Variants in PLCG2 observed in about 807,000 individuals in gnomAD.
The protein encoded by PLCG2 is 1-phosphatidylinositol 4,5-bisphosphate phosphodiesterase gamma-2.
In PLCG2, 69 loss-of-function variants were observed where a neutral mutation model predicts 175.6. The observed-to-expected ratio is 0.39, with a 90% CI of 0.32 to 0.48. PLCG2 has a LOEUF of 0.48. Among genes scored for constraint, PLCG2 ranks in the 20% least tolerant of loss-of-function variants. The pLI is 0.91. For synonymous variants in PLCG2, 827 were observed against 624.0 expected (o/e 1.33, Z -4.85); for missense variants, 1,798 against 1,650.9 (o/e 1.09, Z -1.54).
upstream of PLCG2, among the ~76,000 whole-genome samples, chr16:81,778,043 C>CAAAACAAACAAACAAACAAA (rs1910507588): frequency 1.7e-5 from 1 of 59,860 alleles, no homozygotes; most frequent in South Asian, 9.1e-4. Context: ...AAAAAAAAAA[C>CAAAACAAACAAACAAACAAA]AAAAAAAAAA....
chr16:81,763,653 C>T (rs3935576), intron 2 of PLCG2, among the ~76,000 whole-genome samples: 77,013 of 152,120 alleles, frequency 0.51, 21,457 homozygotes, highest in Non-Finnish European at 0.63. Context: ...TTACTACATT[C>T]TATTGAGGCA....
chr16:81,803,965 G>A (rs1035636301), intron 2 of PLCG2, among the ~76,000 whole-genome samples: 2 of 152,226 alleles, frequency 1.3e-5, no homozygotes, highest in Non-Finnish European at 2.9e-5. Context: ...ACAGGTATGA[G>A]CCACCGTGCC....
rs532257347 is a variant in PLCG2, at chr16:81,748,126, C to T, written c.-144-7744C>T. Among the ~76,000 whole-genome samples the T allele has an allele frequency of 3.4e-4, 52 of 152,298 alleles. 1 individual carries two copies. Among genetic ancestry groups the T allele is most frequent in the Non-Finnish European group, 6.3e-4 (43 of 68,034 alleles). On this transcript the variant is annotated intron_variant, in intron 1 of 5. Coordinates refer to the PLCG2 transcript ENST00000565054. Reference sequence around the variant, plus strand: ...CTGACCTCAGATGATCCGCCCACCTCGACCTCCCAAAGTGCTGGGATTGCA... The same window carrying T: ...CTGACCTCAGATGATCCGCCCACCTTGACCTCCCAAAGTGCTGGGATTGCA...
chr16:81,914,967 T>C (rs769095512), intron 19 of PLCG2, among the ~76,000 whole-genome samples: 38 of 152,208 alleles, frequency 2.5e-4, no homozygotes, highest in Non-Finnish European at 5.0e-4. Flanking sequence ...TGCATGTCTG[T>C]CTGGGACCCT....
Position 81,958,388 on chromosome 16 carries a change from T to G in PLCG2, c.*390T>G, listed in dbSNP as rs1911659320. 3.9e-6 allele frequency: 1 copy of G among 256,676 alleles called. No homozygotes were observed. Among genetic ancestry groups the G allele is most frequent in the South Asian group, 1.4e-4 (1 of 7,302 alleles). 15.9% of individuals were successfully genotyped at this position (256,676 alleles called of 1,614,324 possible). A position where few individuals can be genotyped will look rare whatever the true frequency, so the allele number is the denominator to read the frequency against. On this transcript the variant is annotated 3_prime_UTR_variant, in exon 33 of 33. Coordinates refer to ENST00000564138, the MANE Select transcript of PLCG2 (RefSeq NM_002661.5). Reference sequence around the variant, plus strand: ...CCTCTAATGATCCAGGTAACTGATGTCCATGGAGGATGAGCTGGAAATGTA... The same window carrying G: ...CCTCTAATGATCCAGGTAACTGATGGCCATGGAGGATGAGCTGGAAATGTA...
chr16:81,878,988 C>G (rs1597369493), intron 7 of PLCG2, among the ~76,000 whole-genome samples: 2 of 152,100 alleles, frequency 1.3e-5, no homozygotes, highest in Admixed American at 6.6e-5. Context: ...AGTTGCAAGA[C>G]CTGGCAGAGG....
intron 1 of PLCG2, chr16:81,783,111 C>A (rs762926994): frequency 4.1e-6 from 2 of 486,036 alleles, no homozygotes; most frequent in East Asian, 5.8e-5. Context: ...AGCCTGGTCC[C>A]TTGTCCTGGT....
At chr16:81,859,277 C>A in intron 5 of PLCG2, 114 bp downstream of exon 5, 1 of 698,262 alleles carries the variant, frequency 1.4e-6, no homozygotes, top group Middle Eastern at 2.4e-4. Context: ...CTCACTGCGT[C>A]CATTGTGATC....
intron 2 of PLCG2, among the ~76,000 whole-genome samples, chr16:81,770,291 G>C (rs1336932151): frequency 6.6e-6 from 1 of 152,058 alleles, no homozygotes. Flanking sequence ...CTGACTACTA[G>C]CAGCCTTGTT....
intron 5 of PLCG2, 22 bp downstream of exon 5, chr16:81,859,185 T>C: frequency 6.5e-7 from 1 of 1,530,038 alleles, no homozygotes; most frequent in Non-Finnish European, 9.1e-7. Context: ...TCAGTTTTTT[T>C]CTGATCACTT....
At chr16:81,957,295 TCAAACAAACAAACAAA>T in intron 32 of PLCG2, among the ~76,000 whole-genome samples, 1 of 151,834 alleles carries the variant, frequency 6.6e-6, no homozygotes, top group Admixed American at 6.6e-5. Context: ...GGAGACTCTG[TCAAACAAACAAACAAA>T]CAAACAAACA....
At chr16:81,921,992 T>C (rs1310388430) in intron 21 of PLCG2, among the ~76,000 whole-genome samples, 1 of 152,176 alleles carries the variant, frequency 6.6e-6, no homozygotes, top group Non-Finnish European at 1.5e-5. Flanking sequence ...TAGCAAAAAC[T>C]TTTGTTAGTA....
chr16:81,843,991 T>A (rs1195196371), intron 2 of PLCG2, among the ~76,000 whole-genome samples: 1 of 151,852 alleles, frequency 6.6e-6, no homozygotes, highest in Non-Finnish European at 1.5e-5. Context: ...TTCTTTTTTT[T>A]TTTGAGAAGG....
chr16:81,786,525 A>C (rs1372556589), intron 2 of PLCG2, among the ~76,000 whole-genome samples: 2 of 152,122 alleles, frequency 1.3e-5, no homozygotes, highest in Admixed American at 6.5e-5. Flanking sequence ...CTTTCCTCTT[A>C]AGGGCGAATT....
chr16:81,867,790 C>T (rs959202896), intron 5 of PLCG2, among the ~76,000 whole-genome samples: 4 of 152,102 alleles, frequency 2.6e-5, no homozygotes, highest in African/African-American at 7.2e-5. Context: ...CTCCGCCTCC[C>T]GAATTCACGC....
intron 1 of PLCG2, among the ~76,000 whole-genome samples, chr16:81,747,962 C>A (rs1462365878): frequency 2.0e-5 from 3 of 152,056 alleles, no homozygotes; most frequent in Non-Finnish European, 4.4e-5. Flanking sequence ...GCAACCTCTG[C>A]GTCCCAGGTT....
rs1284285671 is a variant in PLCG2 at position 81,960,964 on chromosome 16, T to C, written c.*2966T>C. The C allele has an allele frequency of 4.4e-6, 1 of 229,476 alleles. No homozygotes were observed. Among genetic ancestry groups the C allele is most frequent in the Non-Finnish European group, 8.6e-6 (1 of 115,874 alleles). The allele number at this position is 229,476 out of a possible 1,614,324, so 14.2% of individuals were successfully genotyped here. On this transcript the variant is annotated 3_prime_UTR_variant, in exon 33 of 33. Coordinates refer to ENST00000564138, the MANE Select transcript of PLCG2 (RefSeq NM_002661.5). ...CCTTACAAAAGAAAATATGGCTGTCTCCACCTCTAGTCTTACTGTAGAGCA... is the reference window on the plus strand; with the variant it reads ...CCTTACAAAAGAAAATATGGCTGTCCCCACCTCTAGTCTTACTGTAGAGCA...
chr16:81,768,878 G>GT (rs1164248357), intron 2 of PLCG2, among the ~76,000 whole-genome samples: 1 of 152,014 alleles, frequency 6.6e-6, no homozygotes, highest in Non-Finnish European at 1.5e-5. Flanking sequence ...ATTGTCAGTG[G>GT]TTTTTTATTT....
intron 2 of PLCG2, among the ~76,000 whole-genome samples, chr16:81,803,558 C>CTTTCCTTTCCTTTCCT: frequency 7.5e-6 from 1 of 132,476 alleles, no homozygotes; most frequent in Non-Finnish European, 1.6e-5. Context: ...CCTTTCTTTC[C>CTTTCCTTTCCTTTCCT]TTCCTTTCCT....
Sources: allele counts gnomAD v4.1 joint callset (sites outside exome capture counted in the v4.1 genomes callset), GRCh38; gene constraint gnomAD v4.1.1; transcripts MANE v1.5; gene names NCBI Gene and HGNC (gene_info 2026-07-23, HGNC 2026-07-21).